Variants in ADGRL3 observed in about 807,000 individuals in gnomAD.
The protein encoded by ADGRL3 is calcium-independent alpha-latrotoxin receptor 3.
In ADGRL3, 62 loss-of-function variants were observed where a neutral mutation model predicts 153.5. The ratio of observed to expected loss-of-function variants is 0.40; its 90% CI spans 0.33 to 0.50. ADGRL3 has a LOEUF of 0.50. Ranked by LOEUF, ADGRL3 falls within the 20% of genes least tolerant of loss-of-function variation. ADGRL3 has a pLI of 0.47. For synonymous variants in ADGRL3, 710 were observed against 672.5 expected (o/e 1.06, Z -0.86); for missense variants, 1,641 against 1,859.4 (o/e 0.88, Z 2.16).
intron 8 of ADGRL3, among the ~76,000 whole-genome samples, chr4:61,752,202 A>G (rs898580031): frequency 3.9e-5 from 6 of 152,222 alleles, no homozygotes; most frequent in Non-Finnish European, 5.9e-5. Context: ...ATTAACAAGA[A>G]TAAAGAATAG....
chr4:61,707,662 A>G (rs1027702430), intron 6 of ADGRL3, among the ~76,000 whole-genome samples: 6 of 152,162 alleles, frequency 3.9e-5, no homozygotes, highest in African/African-American at 1.4e-4. Flanking sequence ...CAATTTTCTA[A>G]TCAGACCTTA....
intron 6 of ADGRL3, among the ~76,000 whole-genome samples, chr4:61,678,511 C>A (rs1410709997): frequency 6.6e-6 from 1 of 152,050 alleles, no homozygotes; most frequent in African/African-American, 2.4e-5. Flanking sequence ...GAAATATCAT[C>A]TACTTAAATC....
At chr4:62,002,728 A>G (rs896145614) in intron 21 of ADGRL3, among the ~76,000 whole-genome samples, 2 of 152,050 alleles carry the variant, frequency 1.3e-5, no homozygotes. Flanking sequence ...CAAATAGGTA[A>G]TTATAGTTAG....
At chr4:61,851,748 A>G (rs1212632232) in intron 9 of ADGRL3, among the ~76,000 whole-genome samples, 1 of 144,978 alleles carries the variant, frequency 6.9e-6, no homozygotes, top group Non-Finnish European at 1.5e-5. Flanking sequence ...AAAGTTTGTT[A>G]TTTTCTTTTT....
chr4:61,376,882 T>G (rs1047364417), intron 1 of ADGRL3, among the ~76,000 whole-genome samples: 1 of 152,162 alleles, frequency 6.6e-6, no homozygotes, highest in African/African-American at 2.4e-5. Context: ...AGGAATTGAT[T>G]GTGGCTATGG....
intron 11 of ADGRL3, among the ~76,000 whole-genome samples, chr4:61,896,911 A>G (rs1423901763): frequency 2.0e-5 from 3 of 152,150 alleles, no homozygotes; most frequent in Non-Finnish European, 4.4e-5. Flanking sequence ...TACATTAGCA[A>G]TTCTTTAAAA....
At chr4:62,059,235 G>A (rs1738747925) in intron 25 of ADGRL3, among the ~76,000 whole-genome samples, 2 of 151,774 alleles carry the variant, frequency 1.3e-5, no homozygotes, top group African/African-American at 2.4e-5. Flanking sequence ...TCAAATGAGG[G>A]ATAATTGTTT....
At chr4:61,303,890 A>G (rs2094674389) in intron 1 of ADGRL3, among the ~76,000 whole-genome samples, 1 of 152,242 alleles carries the variant, frequency 6.6e-6, no homozygotes, top group African/African-American at 2.4e-5. Flanking sequence ...AGCTGTATTA[A>G]AACTTACACA....
At chr4:61,236,351 C>T (rs948572395) in intron 1 of ADGRL3, among the ~76,000 whole-genome samples, 2 of 152,036 alleles carry the variant, frequency 1.3e-5, no homozygotes, top group African/African-American at 2.4e-5. Flanking sequence ...GAATCCTTCT[C>T]TTTGTAAAGT....
At chr4:61,623,066 C>T (rs928873832) in intron 5 of ADGRL3, among the ~76,000 whole-genome samples, 7 of 152,128 alleles carry the variant, frequency 4.6e-5, no homozygotes, top group African/African-American at 1.7e-4. Flanking sequence ...ATCTCTCTAA[C>T]TTTAAAGTGT....
At chr4:61,886,634 TTG>T (rs758101610) in intron 9 of ADGRL3, among the ~76,000 whole-genome samples, 17 of 150,850 alleles carry the variant, frequency 1.1e-4, no homozygotes, top group Non-Finnish European at 2.2e-4. Context: ...ATTTGTTTGT[TTG>T]TTTGTTTGTT....
At chr4:61,263,834 G>A (rs969710093) in intron 1 of ADGRL3, among the ~76,000 whole-genome samples, 1 of 151,602 alleles carries the variant, frequency 6.6e-6, no homozygotes, top group Non-Finnish European at 1.5e-5. Context: ...AACAGAAAAC[G>A]TAATGTCCAG....
chr4:61,475,239 G>A (rs2098031411), intron 2 of ADGRL3, among the ~76,000 whole-genome samples: 1 of 152,106 alleles, frequency 6.6e-6, no homozygotes, highest in Admixed American at 6.6e-5. Flanking sequence ...AAAAATAAAA[G>A]TATTTGTTTA....
chr4:61,440,113 A>G lies in ADGRL3; in HGVS notation c.-174+56924A>G, dbSNP rs534531944. ...ACTCAGGCTGAAGTACAGTAGTGCAATCTTGGCTCGCTGCAACCTCCACCT... is the reference window on the plus strand; with the variant it reads ...ACTCAGGCTGAAGTACAGTAGTGCAGTCTTGGCTCGCTGCAACCTCCACCT... On this transcript the variant is annotated intron_variant, in intron 2 of 26. Transcript: ENST00000683033. Among the ~76,000 whole-genome samples, 6 of 152,134 alleles carry G rather than the reference A, an allele frequency of 3.9e-5. No individual in the cohort carries two copies. In the East Asian group the frequency reaches 7.8e-4, roughly 20 times the overall value.
chr4:61,988,503 A>C (rs991852418), intron 19 of ADGRL3, among the ~76,000 whole-genome samples: 8 of 152,174 alleles, frequency 5.3e-5, no homozygotes, highest in African/African-American at 1.9e-4. Context: ...ATTATAGCAA[A>C]GGCTGTCATT....
At chr4:61,962,503 G>A (rs2098991690) in intron 17 of ADGRL3, among the ~76,000 whole-genome samples, 1 of 151,710 alleles carries the variant, frequency 6.6e-6, no homozygotes, top group South Asian at 2.1e-4. Flanking sequence ...ATTTCTGCCT[G>A]TTTTTGTCTT....
intron 1 of ADGRL3, among the ~76,000 whole-genome samples, chr4:61,300,591 G>T (rs1578181575): frequency 6.6e-6 from 1 of 152,054 alleles, no homozygotes; most frequent in African/African-American, 2.4e-5. Context: ...TATAAAAGTT[G>T]AGTACACAAA....
chr4:61,243,392 C>T (rs1363082778), intron 1 of ADGRL3, among the ~76,000 whole-genome samples: 6 of 151,924 alleles, frequency 3.9e-5, no homozygotes. Flanking sequence ...CTTTCTTTTG[C>T]TAAATTGAAG....
intron 2 of ADGRL3, among the ~76,000 whole-genome samples, chr4:61,402,654 T>G (rs922495490): frequency 6.6e-6 from 1 of 152,052 alleles, no homozygotes; most frequent in Admixed American, 6.6e-5. Context: ...AGAAATGAAC[T>G]GGGTATGTCA....
Sources: allele counts gnomAD v4.1 joint callset (sites outside exome capture counted in the v4.1 genomes callset), GRCh38; gene constraint gnomAD v4.1.1; transcripts MANE v1.5; gene names NCBI Gene and HGNC (gene_info 2026-07-23, HGNC 2026-07-21).